Variants in CENPS observed in about 807,000 individuals in gnomAD.
CENPS encodes the protein FANCM associated histone fold protein 1.
A neutral mutation model predicts 17.9 loss-of-function variants in CENPS; 16 were observed. That is an observed-to-expected ratio of 0.90 (90% CI 0.61 to 1.36). The LOEUF (loss-of-function observed/expected upper bound fraction) is 1.36, where lower values mean the gene tolerates loss of function less well. Ranked by LOEUF, CENPS falls within the 40% of genes most tolerant of loss-of-function variation. The pLI, the probability that CENPS is intolerant of heterozygous loss-of-function variation, is 0.00. For synonymous variants in CENPS, 49 were observed against 55.8 expected, an observed-to-expected ratio of 0.88 and a Z score of 0.54; for missense variants, 160 against 158.6, an observed-to-expected ratio of 1.01 and a Z score of -0.05.
rs1338371783 is a variant in CENPS, at chr1:10,442,474, A to G, written c.*69A>G. On this transcript the variant is annotated 3_prime_UTR_variant, in exon 5 of 5. Coordinates refer to ENST00000309048, the MANE Select transcript of CENPS (RefSeq NM_199294.3). ...CACCTAGAAATGCATATGGCTGCAA[A>G]GGAAACTTTGAAGGGTTAAATAGAG... 12 of 1,445,270 alleles carry G rather than the reference A, an allele frequency of 8.3e-6. No individual in the cohort carries two copies. Among genetic ancestry groups the G allele is most frequent in the Non-Finnish European group, 1.8e-6 (2 of 1,101,366 alleles). 89.5% of individuals were successfully genotyped at this position (1,445,270 alleles called of 1,614,324 possible).
intron 3 of CENPS, among the ~76,000 whole-genome samples, chr1:10,435,395 C>T (rs55967530): frequency 0.069 from 10,513 of 151,806 alleles, 1,207 homozygotes; most frequent in African/African-American, 0.24. Flanking sequence ...ACCTTGTTCC[C>T]GTTAGCTCTT....
At chr1:10,434,606 G>A in intron 2 of CENPS, 51 bp from the exon 3 acceptor site, 1 of 1,599,646 alleles carries the variant, frequency 6.3e-7, no homozygotes, top group East Asian at 2.3e-5. Flanking sequence ...TTCTGCTTCT[G>A]AAATTAGATG....
chr1:10,437,517 C>T (rs370981752), intron 3 of CENPS, among the ~76,000 whole-genome samples: 3 of 147,992 alleles, frequency 2.0e-5, no homozygotes, highest in African/African-American at 2.5e-5. Flanking sequence ...ATTGCCATGG[C>T]GCGATCTCAA....
rs371447789 is a variant in CENPS, at chr1:10,438,306, G to A, written c.210-2041G>A. Among the ~76,000 whole-genome samples the A allele has an allele frequency of 3.0e-4, 46 of 152,064 alleles. 1 individual carries two copies. In the South Asian group the frequency reaches 9.5e-3, roughly 32 times the overall value. On this transcript the variant is annotated intron_variant, in intron 3 of 4. Coordinates refer to ENST00000309048, the MANE Select transcript of CENPS (RefSeq NM_199294.3). ...ATTACAGGTGCCCACCACCATGCCC[G>A]GGTAATTTTTGTCGTTGTAGTAGAG...
intron 3 of CENPS, 185 bp from the exon 4 acceptor site, chr1:10,440,162 T>C (rs1557779218): frequency 4.2e-6 from 3 of 716,716 alleles, no homozygotes; most frequent in African/African-American, 3.7e-5. Context: ...TCCATCTCTT[T>C]ACTTAATTGG....
Position 10,442,413 on chromosome 1 carries a change from C to G in CENPS, c.*8C>G. On this transcript the variant is annotated 3_prime_UTR_variant, in exon 5 of 5. Coordinates refer to ENST00000309048, the MANE Select transcript of CENPS (RefSeq NM_199294.3). Reference sequence around the variant, plus strand: ...GTGGAAAGTGAGAATTAAAGTCCCTCGCCGCTTGGAAAGTGCAGCCTTCTA... The same window carrying G: ...GTGGAAAGTGAGAATTAAAGTCCCTGGCCGCTTGGAAAGTGCAGCCTTCTA... The G allele has an allele frequency of 6.4e-7, 1 of 1,564,986 alleles. No individual in the cohort carries two copies. The highest frequency in any genetic ancestry group is 1.4e-5 in the African/African-American group (1 of 71,710).
At chr1:10,434,163 A>G (rs1431276520) in intron 2 of CENPS, among the ~76,000 whole-genome samples, 198 bp downstream of exon 2, 1 of 152,168 alleles carries the variant, frequency 6.6e-6, no homozygotes, top group East Asian at 1.9e-4. Flanking sequence ...TTTTTTTCCT[A>G]TTACACTAAC....
At chr1:10,435,954 G>T (rs371683805) in intron 3 of CENPS, among the ~76,000 whole-genome samples, 1 of 150,344 alleles carries the variant, frequency 6.7e-6, no homozygotes, top group Non-Finnish European at 1.5e-5. Flanking sequence ...CGGATATTCT[G>T]TGTTTTTTAA....
intron 3 of CENPS, among the ~76,000 whole-genome samples, chr1:10,437,261 TCCTC>T (rs1395862275): frequency 6.6e-6 from 1 of 152,134 alleles, no homozygotes; most frequent in African/African-American, 2.4e-5. Context: ...GCTCAAGTGA[TCCTC>T]CCACCTTGGC....
intron 4 of CENPS, 55 bp downstream of exon 4, chr1:10,440,468 C>G: frequency 6.3e-7 from 1 of 1,598,096 alleles, no homozygotes; most frequent in Non-Finnish European, 8.5e-7. Context: ...ACATTATTCC[C>G]AATCAATCAC....
intron 3 of CENPS, among the ~76,000 whole-genome samples, chr1:10,438,568 C>G (rs1357986050): frequency 6.6e-6 from 1 of 152,180 alleles, no homozygotes; most frequent in East Asian, 1.9e-4. Flanking sequence ...TGGGAATCGT[C>G]TTTAAAGCCC....
chr1:10,436,499 C>G (rs1350973833), intron 3 of CENPS, among the ~76,000 whole-genome samples: 3 of 149,090 alleles, frequency 2.0e-5, no homozygotes, highest in Non-Finnish European at 3.0e-5. Context: ...CTCAGGAGTT[C>G]GAGACCAGCC....
intron 1 of CENPS, 47 bp from the exon 2 acceptor site, chr1:10,433,795 T>G: frequency 6.2e-7 from 1 of 1,611,068 alleles, no homozygotes; most frequent in Non-Finnish European, 8.5e-7. Flanking sequence ...CGTGAAAAGC[T>G]CTTATTTGCA....
At chr1:10,434,726 G>A (rs746342273) in intron 3 of CENPS, 36 bp downstream of exon 3, 32 of 1,567,726 alleles carry the variant, frequency 2.0e-5, no homozygotes, top group Admixed American at 4.1e-5. Context: ...CACTGCGTCT[G>A]TGTAGCTTTT....
At position 10,442,422 on chromosome 1, in the gene CENPS, G is replaced by C. The variant is rs773608700; in HGVS notation, c.*17G>C. 1.3e-6 allele frequency: 2 copies of C among 1,561,364 alleles called. No homozygotes were observed. The highest frequency in any genetic ancestry group is 4.5e-5 in the Admixed American group (2 of 44,898). On this transcript the variant is annotated 3_prime_UTR_variant, in exon 5 of 5. Transcript: ENST00000309048. ...GAGAATTAAAGTCCCTCGCCGCTTG[G>C]AAAGTGCAGCCTTCTACAGGTAGAG...
chr1:10,432,175 C>T (rs1037385624), intron 1 of CENPS, among the ~76,000 whole-genome samples: 3 of 152,056 alleles, frequency 2.0e-5, no homozygotes, highest in Non-Finnish European at 4.4e-5. Context: ...GCAACCTCCA[C>T]CTCCCAGGTT....
intron 1 of CENPS, chr1:10,430,939 G>C: frequency 4.0e-6 from 5 of 1,248,546 alleles, no homozygotes; most frequent in Non-Finnish European, 4.0e-6. Flanking sequence ...GTACGCGGTG[G>C]GCGGTTCGGG....
chr1:10,434,857 C>T (rs1383545033), intron 3 of CENPS, among the ~76,000 whole-genome samples, 167 bp downstream of exon 3: 1 of 152,188 alleles, frequency 6.6e-6, no homozygotes, highest in Non-Finnish European at 1.5e-5. Flanking sequence ...CCTTCAATCA[C>T]GGTGATTCAC....
chr1:10,440,440 C>T (rs776498783), intron 4 of CENPS, 27 bp downstream of exon 4: 3 of 1,612,280 alleles, frequency 1.9e-6, no homozygotes, highest in Admixed American at 1.7e-5. Context: ...TTTCCTCACT[C>T]CCCTTTCCCA....
Sources: gnomAD v4.1 joint callset for allele counts (sites outside exome capture counted in the v4.1 genomes callset) on GRCh38, gnomAD v4.1.1 for gene constraint, MANE v1.5 for transcripts, NCBI Gene and HGNC (gene_info 2026-07-23, HGNC 2026-07-21) for gene names.